The following LIAS variants were observed in gnomAD, a reference collection of about 807,000 sequenced individuals.
LIAS encodes the protein lipoyl synthase, mitochondrial.
In LIAS, 36 loss-of-function variants were observed where a neutral mutation model predicts 49.4. That is an observed-to-expected ratio of 0.73 (90% confidence interval 0.56 to 0.96). LIAS has a LOEUF of 0.96. Ranked by LOEUF, LIAS falls within the 40% of genes least tolerant of loss-of-function variation. The probability of loss-of-function intolerance (pLI) is 0.00; values close to 1 mark genes in which losing one functional copy is unlikely to be tolerated. For synonymous variants in LIAS, 145 were observed against 155.8 expected, an observed-to-expected ratio of 0.93 and a Z score of 0.52; for missense variants, 399 against 456.3, an observed-to-expected ratio of 0.87 and a Z score of 1.14.
rs1560667123 is a variant in LIAS at position 39,463,523 on chromosome 4, A to G, written c.313-2A>G. On this transcript the variant is annotated splice_acceptor_variant, in intron 3 of 10. Coordinates refer to ENST00000640888, the MANE Select transcript of LIAS (RefSeq NM_006859.4). LOFTEE classifies it high-confidence loss of function. ...TGGTGTTCCATTTCCTTTTGCATACAGGTATGTGAGGAAGCTCGATGTCCC... is the reference window on the plus strand; with the variant it reads ...TGGTGTTCCATTTCCTTTTGCATACGGGTATGTGAGGAAGCTCGATGTCCC... 6.3e-7 allele frequency: 1 copy of G among 1,597,212 alleles called. No homozygotes were observed. The highest frequency in any genetic ancestry group is 8.5e-7 in the Non-Finnish European group (1 of 1,170,338).
chr4:39,467,768 G>GT (rs796911678), intron 7 of LIAS, 122 bp downstream of exon 7: 2 of 1,002,912 alleles, frequency 2.0e-6, no homozygotes, highest in Non-Finnish European at 2.7e-6. Context: ...ATTCTTTTTT[G>GT]TTTTTTAGGC....
intron 10 of LIAS, chr4:39,474,917 A>T (rs112932537): frequency 0.17 from 26,071 of 151,654 alleles, 2,606 homozygotes; most frequent in Middle Eastern, 0.34. Flanking sequence ...TTAAAAATAA[A>T]CTAGGTATTG....
At position 39,460,930 on chromosome 4, in the gene LIAS, T is replaced by A; in HGVS notation, c.186T>A (p.Tyr62Ter). 1 of 1,604,662 alleles carries A rather than the reference T, an allele frequency of 6.2e-7. No individual in the cohort carries two copies. The highest frequency in any genetic ancestry group is 8.5e-7 in the Non-Finnish European group (1 of 1,176,866). ...CAGACAGGAGCACCTGGGATGAATA[T>A]AAAGGAAACCTAAAACGCCAGAAAG... ...DLADRSTWDE[Y>*]KGNLKRQKGE... is the part of the protein sequence containing the mutation. The change falls in exon 2 of 11, where the codon TAT (tyrosine) becomes TAA (stop). Residue 62 changes from tyrosine to a stop codon, truncating the protein, a stop_gained. Coordinates refer to ENST00000640888, the MANE Select transcript of LIAS (RefSeq NM_006859.4). LOFTEE classifies it high-confidence loss of function.
At chr4:39,473,280 C>T in intron 10 of LIAS, 69 bp downstream of exon 10, 2 of 940,464 alleles carry the variant, frequency 2.1e-6, no homozygotes, top group Non-Finnish European at 3.4e-6. Context: ...TACCACCAGT[C>T]ACTAAAACTC....
chr4:39,468,804 G>C (rs1744868149), intron 7 of LIAS: 1 of 149,494 alleles, frequency 6.7e-6, no homozygotes. Context: ...AACCCGGGAG[G>C]CGAAGGTTGC....
rs181095788 is a variant in LIAS at position 39,471,338 on chromosome 4, T to A, written c.954+32T>A. 1.6e-3 allele frequency: 2,409 copies of A among 1,551,134 alleles called. 30 individuals carry two copies. In the African/African-American group the frequency reaches 0.027, roughly 18 times the overall value. On this transcript the variant is annotated intron_variant, in intron 9 of 10. Transcript: ENST00000640888. Reference sequence around the variant, plus strand: ...GTATCTTGATTTGCTTTTTTTTTTTTTTTTTATTTTTAAAGATGGAGTTTT... The same window carrying A: ...GTATCTTGATTTGCTTTTTTTTTTTATTTTTATTTTTAAAGATGGAGTTTT...
chr4:39,461,509 G>A (rs557882880), intron 2 of LIAS, among the ~76,000 whole-genome samples: 3 of 152,296 alleles, frequency 2.0e-5, no homozygotes, highest in African/African-American at 7.2e-5. Flanking sequence ...AGAATGTAGA[G>A]CAGACAGTGC....
chr4:39,479,042 C>G lies in LIAS; in HGVS notation c.*1927C>G, dbSNP rs948173244. The G allele has an allele frequency of 1.3e-5, 2 of 152,042 alleles. No individual in the cohort carries two copies. 9.4% of individuals were successfully genotyped at this position (152,042 alleles called of 1,614,324 possible). ...GGGCAACACAGTCAGACCCCCATCT[C>G]TACCAAAAATACAAAAAATTAGCTG... On this transcript the variant is annotated 3_prime_UTR_variant, in exon 11 of 11. Transcript: ENST00000640888.
intron 7 of LIAS, chr4:39,469,818 A>G: frequency 4.8e-6 from 2 of 417,480 alleles, no homozygotes; most frequent in Non-Finnish European, 4.2e-6. Flanking sequence ...TCTCTGCCCC[A>G]GGCTTGAGAT....
chr4:39,465,110 C>T lies in LIAS; in HGVS notation c.458C>T (p.Pro153Leu). 1 of 1,614,202 alleles carries T rather than the reference C, an allele frequency of 6.2e-7. No homozygotes were observed. The highest frequency in any genetic ancestry group is 8.5e-7 in the Non-Finnish European group (1 of 1,180,034). Residue 153 changes from proline to leucine, a missense_variant, in exon 5 of 11, where the codon CCT (proline) becomes CTT (leucine). This residue lies in a region of LIAS where 234 missense variants were observed against 292.2 expected (regional missense o/e 0.80). Transcript: ENST00000640888. The stretch of plus-strand genomic sequence containing the variant: ...TCTGTTAAGACTGCAAGAAATCCTC[C>T]TCCACTGGATGCCAGTGAGCCCTAC... Reference protein sequence around the residue: ...FCSVKTARNPPPLDASEPYNT... With the variant: ...FCSVKTARNPLPLDASEPYNT...
chr4:39,465,788 A>G (rs1056761914), intron 6 of LIAS, among the ~76,000 whole-genome samples: 4 of 151,734 alleles, frequency 2.6e-5, no homozygotes, highest in Non-Finnish European at 5.9e-5. Context: ...CCTCCCGAGT[A>G]GCTGGGATTA....
intron 4 of LIAS, 122 bp downstream of exon 4, chr4:39,463,727 T>C (rs1475679144): frequency 2.9e-6 from 4 of 1,359,472 alleles, no homozygotes; most frequent in Non-Finnish European, 3.8e-6. Flanking sequence ...TTTGCATTTA[T>C]GAAAAATATT....
At chr4:39,464,444 A>C (rs1744677831) in intron 4 of LIAS, among the ~76,000 whole-genome samples, 1 of 152,156 alleles carries the variant, frequency 6.6e-6, no homozygotes, top group South Asian at 2.1e-4. Flanking sequence ...TTATCTTTGA[A>C]TACCCCTCTG....
chr4:39,463,430 A>G, intron 3 of LIAS, 95 bp from the exon 4 acceptor site: 1 of 1,399,890 alleles, frequency 7.1e-7, no homozygotes, highest in Non-Finnish European at 9.4e-7. Flanking sequence ...TATGTTGTAA[A>G]CAATGAGAAG....
At chr4:39,472,191 AATT>A (rs1745018665) in intron 9 of LIAS, among the ~76,000 whole-genome samples, 1 of 152,034 alleles carries the variant, frequency 6.6e-6, no homozygotes, top group Non-Finnish European at 1.5e-5. Flanking sequence ...CTAGAGAAAA[AATT>A]TTTTGAAGAA....
intron 6 of LIAS, 126 bp downstream of exon 6, chr4:39,465,468 A>G (rs968155696): frequency 4.9e-5 from 39 of 792,964 alleles, no homozygotes; most frequent in Middle Eastern, 7.7e-4. Context: ...CTGATAATTC[A>G]CTGGAAATTA....
At chr4:39,461,799 A>C (rs1185066876) in intron 2 of LIAS, among the ~76,000 whole-genome samples, 1 of 152,176 alleles carries the variant, frequency 6.6e-6, no homozygotes, top group Non-Finnish European at 1.5e-5. Flanking sequence ...GGTTCAAGGG[A>C]TTCTTCTGCC....
chr4:39,459,286 T>A, intron 1 of LIAS, 124 bp downstream of exon 1: 1 of 821,540 alleles, frequency 1.2e-6, no homozygotes, highest in Non-Finnish European at 1.9e-6. Context: ...ACGGCAGTTT[T>A]AAACGTTTTT....
chr4:39,471,556 T>C (rs1385769080), intron 9 of LIAS, among the ~76,000 whole-genome samples: 2 of 116,666 alleles, frequency 1.7e-5, no homozygotes, highest in African/African-American at 6.6e-5. Flanking sequence ...AGACGGAGTC[T>C]CGCTCTGTCG....
Sources: gnomAD v4.1 joint callset for allele counts (sites outside exome capture counted in the v4.1 genomes callset) on GRCh38, gnomAD v4.1.1 for gene constraint, gnomAD v4.1.1 regional missense constraint, MANE v1.5 for transcripts, NCBI Gene and HGNC (gene_info 2026-07-23, HGNC 2026-07-21) for gene names.